NOL4: variants seen among roughly 807,000 people sequenced by gnomAD.
The protein encoded by NOL4 is cancer/testis antigen 125.
NOL4 carries 17 observed loss-of-function variants against 75.9 expected under a neutral mutation model. The ratio of observed to expected loss-of-function variants is 0.22; its 90% CI spans 0.15 to 0.34. The LOEUF (loss-of-function observed/expected upper bound fraction) is 0.34, where lower values mean the gene tolerates loss of function less well. Ranked by LOEUF, NOL4 falls within the 10% of genes least tolerant of loss-of-function variation. The probability of loss-of-function intolerance (pLI) is 1.00; values close to 1 mark genes in which losing one functional copy is unlikely to be tolerated. For missense variants in NOL4, 614 were observed against 793.5 expected (o/e 0.77, Z 2.72); for synonymous variants, 292 against 289.9 (o/e 1.01, Z -0.07).
chr18:33,994,904 A>G (rs759410551), intron 6 of NOL4, among the ~76,000 whole-genome samples: 2 of 151,796 alleles, frequency 1.3e-5, no homozygotes, highest in African/African-American at 4.8e-5. Flanking sequence ...GTAGATCAAC[A>G]ATGAAAAGAA....
In NOL4 at chr18:34,061,429, A is replaced by C. The variant is rs116789821; in HGVS notation, c.772+32036T>G. On this transcript the variant is annotated intron_variant, in intron 5 of 10. Transcript: ENST00000261592. ...TATTATAATACTCATTACTGTGATTATAAGTTGAGACAGTTTCAGAGCCCT... is the reference window on the plus strand; with the variant it reads ...TATTATAATACTCATTACTGTGATTCTAAGTTGAGACAGTTTCAGAGCCCT... 7.9e-3 allele frequency among the ~76,000 whole-genome samples: 1,201 copies of C among 152,312 alleles called. 17 individuals are homozygous for C. Among genetic ancestry groups the C allele is most frequent in the African/African-American group, 0.028 (1,161 of 41,580 alleles).
intron 5 of NOL4, among the ~76,000 whole-genome samples, chr18:34,060,966 G>A (rs1162510866): frequency 6.6e-6 from 1 of 152,126 alleles, no homozygotes; most frequent in Non-Finnish European, 1.5e-5. Flanking sequence ...TTGATGTAGT[G>A]CAAGTCACAA....
intron 5 of NOL4, among the ~76,000 whole-genome samples, chr18:34,068,990 T>A (rs1023360342): frequency 2.0e-5 from 3 of 151,922 alleles, no homozygotes; most frequent in African/African-American, 7.3e-5. Flanking sequence ...CAGAATACAA[T>A]AAAACTCTAA....
At chr18:33,936,583 G>A (rs1759470958) in intron 9 of NOL4, among the ~76,000 whole-genome samples, 1 of 151,896 alleles carries the variant, frequency 6.6e-6, no homozygotes, top group South Asian at 2.1e-4. Flanking sequence ...TTGGTTTCCC[G>A]TGTGTCTTAG....
At chr18:33,885,674 A>G (rs2064595218) in intron 9 of NOL4, among the ~76,000 whole-genome samples, 1 of 152,138 alleles carries the variant, frequency 6.6e-6, no homozygotes, top group African/African-American at 2.4e-5. Flanking sequence ...GAAATAATCA[A>G]TGCTGGTGAG....
intron 9 of NOL4, among the ~76,000 whole-genome samples, chr18:33,916,815 T>A (rs540035106): frequency 8.3e-4 from 126 of 152,326 alleles, no homozygotes; most frequent in South Asian, 3.5e-3. Context: ...AACTTGTTTT[T>A]TAATCTTCTA....
In NOL4 at chr18:34,224,510, T is replaced by A. The variant is rs2037497991; in HGVS notation, c.-1257A>T. The A allele has an allele frequency of 6.6e-6, 1 of 152,326 alleles. No homozygotes were observed. Among genetic ancestry groups the A allele is most frequent in the African/African-American group, 2.4e-5 (1 of 41,452 alleles). The allele number at this position is 152,326 out of a possible 1,614,324, so 9.4% of individuals were successfully genotyped here. On this transcript the variant is annotated 5_prime_UTR_variant, in exon 1 of 11. It removes an upstream start codon present in the reference 5' UTR. Transcript: ENST00000261592. Reference sequence around the variant, plus strand: ...AGAGCTGGAAATAGGGGAGTTCCCATCCTCCTCGCGCGGCGGCTGCGGCCG... The same window carrying A: ...AGAGCTGGAAATAGGGGAGTTCCCAACCTCCTCGCGCGGCGGCTGCGGCCG...
chr18:33,927,999 T>C (rs985850403), intron 9 of NOL4, among the ~76,000 whole-genome samples: 3 of 152,286 alleles, frequency 2.0e-5, no homozygotes, highest in African/African-American at 7.2e-5. Context: ...TATATTGTTG[T>C]TTCACAGTAA....
chr18:34,147,317 C>T (rs184395415), intron 1 of NOL4, among the ~76,000 whole-genome samples: 1 of 152,226 alleles, frequency 6.6e-6, no homozygotes, highest in African/African-American at 2.4e-5. Context: ...GGAATGCTTC[C>T]ACTTTTTGCC....
chr18:34,184,197 A>T (rs2034276006), intron 1 of NOL4, among the ~76,000 whole-genome samples: 2 of 151,898 alleles, frequency 1.3e-5, no homozygotes, highest in Non-Finnish European at 1.5e-5. Context: ...TTGAAACTGC[A>T]AACAGGCTCA....
intron 6 of NOL4, among the ~76,000 whole-genome samples, chr18:34,001,158 T>C (rs72957346): frequency 0.024 from 3,640 of 152,236 alleles, 72 homozygotes; most frequent in Non-Finnish European, 0.032. Context: ...AACTATATGA[T>C]AGATGGTTCA....
intron 9 of NOL4, among the ~76,000 whole-genome samples, chr18:33,909,607 G>A (rs537869978): frequency 1.7e-4 from 26 of 152,010 alleles, no homozygotes; most frequent in East Asian, 1.2e-3. Context: ...ATAATCAACC[G>A]TCCCCTTTTT....
At chr18:33,939,941 A>T (rs1456757425) in intron 9 of NOL4, among the ~76,000 whole-genome samples, 1 of 152,094 alleles carries the variant, frequency 6.6e-6, no homozygotes, top group Admixed American at 6.6e-5. Flanking sequence ...GCCAACAAAC[A>T]TATGAAAAAA....
intron 9 of NOL4, among the ~76,000 whole-genome samples, chr18:33,889,872 T>A (rs189171683): frequency 1.3e-5 from 2 of 152,242 alleles, no homozygotes; most frequent in African/African-American, 4.8e-5. Context: ...AAACTAGGTA[T>A]TGATGGAACA....
intron 1 of NOL4, among the ~76,000 whole-genome samples, chr18:34,164,955 A>C (rs917082102): frequency 1.3e-5 from 2 of 151,972 alleles, no homozygotes; most frequent in African/African-American, 4.8e-5. Context: ...CATGGATGAA[A>C]CTGGAAGTCA....
chr18:33,982,494 A>G (rs868791809), intron 6 of NOL4, among the ~76,000 whole-genome samples: 4 of 152,170 alleles, frequency 2.6e-5, no homozygotes, highest in African/African-American at 9.6e-5. Context: ...AAATGGGTCA[A>G]TTCTCCAAGA....
intron 5 of NOL4, among the ~76,000 whole-genome samples, chr18:34,079,767 C>T (rs1406214187): frequency 1.3e-5 from 2 of 152,072 alleles, no homozygotes; most frequent in Non-Finnish European, 1.5e-5. Flanking sequence ...TTTATTCATT[C>T]AGACTTTTAG....
intron 1 of NOL4, among the ~76,000 whole-genome samples, chr18:34,188,553 C>T (rs2034668088): frequency 6.6e-6 from 1 of 152,180 alleles, no homozygotes; most frequent in African/African-American, 2.4e-5. Context: ...TATTAGCCTA[C>T]AGTTGGGCAA....
In NOL4 at chr18:33,851,561, CA is replaced by C. The variant is rs1236108991; in HGVS notation, c.*1280del. ...ATGCACAAAGAATTTGTAATCCAAC[CA>C]AAGCTAAACAACAGAAAAAAGTTGT... On this transcript the variant is annotated 3_prime_UTR_variant, in exon 11 of 11. Transcript: ENST00000261592. 1 of 152,280 alleles carries C rather than the reference CA, an allele frequency of 6.6e-6. No individual in the cohort carries two copies. The highest frequency in any genetic ancestry group is 1.5e-5 in the Non-Finnish European group (1 of 67,946). The allele number at this position is 152,280 out of a possible 1,614,324, so 9.4% of individuals were successfully genotyped here. A position where few individuals can be genotyped will look rare whatever the true frequency, so the allele number is the denominator to read the frequency against.
Sources: allele counts gnomAD v4.1 joint callset (sites outside exome capture counted in the v4.1 genomes callset), GRCh38; gene constraint gnomAD v4.1.1; transcripts MANE v1.5; gene names NCBI Gene and HGNC (gene_info 2026-07-23, HGNC 2026-07-21).